Variants in ARID1A observed in about 807,000 individuals in gnomAD.
ARID1A encodes the protein AT-rich interactive domain-containing protein 1A.
A neutral mutation model predicts 212.6 loss-of-function variants in ARID1A; 20 were observed. The observed-to-expected ratio is 0.09, with a 90% CI of 0.07 to 0.14. ARID1A has a LOEUF of 0.14. Among genes scored for constraint, ARID1A ranks in the 10% least tolerant of loss-of-function variants. The pLI is 1.00. For missense variants in ARID1A, 2,587 were observed against 3,059.0 expected (o/e 0.85, Z 3.64); for synonymous variants, 1,376 against 1,222.1 (o/e 1.13, Z -2.63).
At chr1:26,730,327 A>ATGT (rs549910139) in intron 2 of ARID1A, among the ~76,000 whole-genome samples, 7 of 152,336 alleles carry the variant, frequency 4.6e-5, no homozygotes, top group Non-Finnish European at 7.3e-5. Flanking sequence ...AACAGAAAAG[A>ATGT]TGTTAACAGC....
intron 4 of ARID1A, among the ~76,000 whole-genome samples, chr1:26,755,811 T>G (rs932335037): frequency 6.6e-6 from 1 of 151,752 alleles, no homozygotes; most frequent in Non-Finnish European, 1.5e-5. Context: ...TGGTGCGATC[T>G]CGGCTCACTG....
intron 6 of ARID1A, 100 bp from the exon 7 acceptor site, chr1:26,762,052 G>A (rs2080997183): frequency 7.4e-7 from 1 of 1,345,576 alleles, no homozygotes; most frequent in South Asian, 1.5e-5. Context: ...GCAAGTGGCT[G>A]CTAAAGAAAA....
At chr1:26,750,751 T>G (rs2080876828) in intron 4 of ARID1A, among the ~76,000 whole-genome samples, 1 of 151,854 alleles carries the variant, frequency 6.6e-6, no homozygotes, top group African/African-American at 2.4e-5. Flanking sequence ...ACTTCTACCT[T>G]CATGGGACTT....
intron 1 of ARID1A, among the ~76,000 whole-genome samples, chr1:26,709,037 A>C (rs2080423346): frequency 6.6e-6 from 1 of 152,104 alleles, no homozygotes; most frequent in Non-Finnish European, 1.5e-5. Context: ...TGAACACATA[A>C]AGTTGAGTGC....
At chr1:26,773,133 T>C in intron 14 of ARID1A, 146 bp downstream of exon 14, 2 of 1,283,372 alleles carry the variant, frequency 1.6e-6, no homozygotes, top group Non-Finnish European at 2.1e-6. Flanking sequence ...TCTTCATCCT[T>C]ACCTCCTTTC....
intron 1 of ARID1A, among the ~76,000 whole-genome samples, chr1:26,707,413 T>C (rs1187868228): frequency 6.6e-6 from 1 of 151,926 alleles, no homozygotes; most frequent in East Asian, 1.9e-4. Context: ...TTCATCATGC[T>C]GGCCAGGCTG....
At position 26,696,395 on chromosome 1, in the gene ARID1A, G is replaced by A; in HGVS notation, c.-9G>A. 1 of 1,271,630 alleles carries A rather than the reference G, an allele frequency of 7.9e-7. No homozygotes were observed. Among genetic ancestry groups the A allele is most frequent in the Non-Finnish European group, 9.9e-7 (1 of 1,012,182 alleles). The allele number at this position is 1,271,630 out of a possible 1,614,324, so 78.8% of individuals were successfully genotyped here. On this transcript the variant is annotated 5_prime_UTR_variant, in exon 1 of 20. Coordinates refer to ENST00000324856, the MANE Select transcript of ARID1A (RefSeq NM_006015.6). ...GCCGGGTCTCTCCGCGGACGAGACA[G>A]CGGGGATCATGGCCGCGCAGGTCGC...
chr1:26,707,125 C>T (rs1354501191), intron 1 of ARID1A, among the ~76,000 whole-genome samples: 1 of 151,412 alleles, frequency 6.6e-6, no homozygotes, highest in African/African-American at 2.4e-5. Context: ...TCTCCGCCTC[C>T]TGGGTTCAAG....
intron 1 of ARID1A, among the ~76,000 whole-genome samples, chr1:26,707,277 C>T (rs935610062): frequency 1.7e-4 from 23 of 136,202 alleles, no homozygotes; most frequent in East Asian, 8.6e-4. Context: ...GGTGTGATCT[C>T]GGCTCACTGC....
intron 4 of ARID1A, among the ~76,000 whole-genome samples, chr1:26,738,881 T>TG (rs911558167): frequency 2.0e-5 from 3 of 147,404 alleles, no homozygotes; most frequent in African/African-American, 7.6e-5. Flanking sequence ...CTTTTGTTTT[T>TG]TTTTTTTTTT....
intron 1 of ARID1A, among the ~76,000 whole-genome samples, chr1:26,715,668 G>T (rs961873404): frequency 1.3e-5 from 2 of 152,054 alleles, no homozygotes; most frequent in African/African-American, 4.8e-5. Context: ...ACTTTTTAAA[G>T]TTCACTTAAT....
At chr1:26,713,103 A>T (rs1238459149) in intron 1 of ARID1A, among the ~76,000 whole-genome samples, 1 of 152,218 alleles carries the variant, frequency 6.6e-6, no homozygotes, top group East Asian at 1.9e-4. Context: ...TCATATTTGT[A>T]TGTACAGATG....
chr1:26,718,395 G>T (rs2080524648), intron 1 of ARID1A, among the ~76,000 whole-genome samples: 1 of 152,208 alleles, frequency 6.6e-6, no homozygotes, highest in African/African-American at 2.4e-5. Context: ...TTAAGCCACT[G>T]CCTAGAACTG....
Position 26,778,877 on chromosome 1 carries a change from A to C in ARID1A, c.5125-146A>C, listed in dbSNP as rs753115004. On this transcript the variant is annotated intron_variant, in intron 19 of 19. Coordinates refer to ENST00000324856, the MANE Select transcript of ARID1A (RefSeq NM_006015.6). Reference sequence around the variant, plus strand: ...GGCATAGAAGAGATTAAGATGAACAATTTGCTCTGTGGAGAACCTTTGGGA... The same window carrying C: ...GGCATAGAAGAGATTAAGATGAACACTTTGCTCTGTGGAGAACCTTTGGGA... 2.4e-5 allele frequency: 18 copies of C among 742,736 alleles called. No homozygotes were observed. The African/African-American group carries it at 3.2e-4, about 13-fold the overall frequency. The allele number at this position is 742,736 out of a possible 1,614,324, so 46.0% of individuals were successfully genotyped here. A position where few individuals can be genotyped will look rare whatever the true frequency, so the allele number is the denominator to read the frequency against.
chr1:26,711,194 C>A (rs961785127), intron 1 of ARID1A, among the ~76,000 whole-genome samples: 1 of 151,958 alleles, frequency 6.6e-6, no homozygotes, highest in South Asian at 2.1e-4. Flanking sequence ...TTGCAACCTC[C>A]GCCTCCTGGG....
chr1:26,708,987 G>A (rs1459026564), intron 1 of ARID1A, among the ~76,000 whole-genome samples: 3 of 152,000 alleles, frequency 2.0e-5, no homozygotes, highest in South Asian at 2.1e-4. Context: ...GAGCCACCGC[G>A]CCCAGCGGAT....
intron 4 of ARID1A, among the ~76,000 whole-genome samples, chr1:26,752,401 A>G (rs2080892860): frequency 6.6e-6 from 1 of 152,186 alleles, no homozygotes; most frequent in African/African-American, 2.4e-5. Context: ...TCTTTCTTAC[A>G]TTTATAGCAA....
rs964931305 is a variant in ARID1A at position 26,697,533 on chromosome 1, C to T, written c.1130C>T (p.Thr377Ile). ...GGCGGGGGGCAGCCGCTCGCCCGGA[C>T]CCCTCAGGTACACAGCTGAGTGGGG... ...SGGGGQPLAR[T>I]PQPSSPMDQM... Residue 377 changes from threonine (T) to isoleucine (I), a missense_variant, in exon 1 of 20, where the codon ACC becomes ATC. Physicochemically the swap from Thr to Ile is moderately conservative, Grantham distance 89 (BLOSUM62 -1). Around this residue, in one of 11 missense-constraint regions of ARID1A, gnomAD observed 735 missense variants for 590.6 expected, o/e 1.24. Transcript: ENST00000324856. 2.9e-6 allele frequency: 4 copies of T among 1,386,882 alleles called. No individual in the cohort carries two copies. The highest frequency in any genetic ancestry group is 3.0e-5 in the East Asian group (1 of 32,868). 85.9% of individuals were successfully genotyped at this position (1,386,882 alleles called of 1,614,324 possible). A position where few individuals can be genotyped will look rare whatever the true frequency, so the allele number is the denominator to read the frequency against.
At chr1:26,714,562 G>A (rs894534621) in intron 1 of ARID1A, among the ~76,000 whole-genome samples, 3 of 152,162 alleles carry the variant, frequency 2.0e-5, no homozygotes, top group East Asian at 1.9e-4. Context: ...GAGACTACAG[G>A]TGTGTCACCA....
Sources: allele counts gnomAD v4.1 joint callset (sites outside exome capture counted in the v4.1 genomes callset), GRCh38; gene constraint gnomAD v4.1.1; regional missense constraint gnomAD v4.1.1; transcripts MANE v1.5; gene names NCBI Gene and HGNC (gene_info 2026-07-23, HGNC 2026-07-21).